The following GYPC variants were observed in gnomAD, a reference collection of about 807,000 sequenced individuals.
GYPC encodes glycophorin C (Gerbich blood group), also known as glycophorin-C.
GYPC carries 14 observed loss-of-function variants against 12.6 expected under a neutral mutation model. The ratio of observed to expected loss-of-function variants is 1.11; its 90% CI spans 0.74 to 1.74. GYPC has a LOEUF of 1.74. Ranked by LOEUF, GYPC falls within the 40% of genes most tolerant of loss-of-function variation. The probability of loss-of-function intolerance (pLI) is 0.00; values close to 1 mark genes in which losing one functional copy is unlikely to be tolerated. For synonymous variants in GYPC, 78 were observed against 62.1 expected (o/e 1.26, Z -1.20); for missense variants, 225 against 172.1 (o/e 1.31, Z -1.72).
At chr2:126,695,826 G>A in intron 3 of GYPC, 120 bp from the exon 4 acceptor site, 1 of 785,482 alleles carries the variant, frequency 1.3e-6, no homozygotes. Context: ...AAATCAAGGA[G>A]CATCTCTTTT....
chr2:126,694,643 A>G (rs574717475), intron 3 of GYPC, among the ~76,000 whole-genome samples: 37 of 152,312 alleles, frequency 2.4e-4, no homozygotes, highest in South Asian at 1.7e-3. Flanking sequence ...TTCTTCCTAG[A>G]TGATATTATT....
intron 1 of GYPC, among the ~76,000 whole-genome samples, chr2:126,669,364 T>G (rs1306133006): frequency 6.6e-6 from 1 of 152,162 alleles, no homozygotes; most frequent in African/African-American, 2.4e-5. Context: ...TCTGTGAGTG[T>G]CAGGGCTGTG....
chr2:126,677,604 A>T (rs1260366896), intron 1 of GYPC, among the ~76,000 whole-genome samples: 1 of 151,710 alleles, frequency 6.6e-6, no homozygotes, highest in Admixed American at 6.6e-5. Context: ...TTCATCCTTA[A>T]ATATATGAGG....
At chr2:126,668,017 C>G (rs896310170) in intron 1 of GYPC, among the ~76,000 whole-genome samples, 1 of 152,170 alleles carries the variant, frequency 6.6e-6, no homozygotes, top group Non-Finnish European at 1.5e-5. Flanking sequence ...CGTGGCCCAG[C>G]AGACTGCTTG....
At chr2:126,694,979 C>T (rs976140990) in intron 3 of GYPC, among the ~76,000 whole-genome samples, 2 of 152,168 alleles carry the variant, frequency 1.3e-5, no homozygotes, top group African/African-American at 4.8e-5. Flanking sequence ...GTGACCGCCC[C>T]TCGCACAGCC....
intron 1 of GYPC, chr2:126,686,786 G>C: frequency 1.3e-6 from 1 of 798,654 alleles, no homozygotes; most frequent in Non-Finnish European, 1.5e-6. Context: ...GTCTATTTCT[G>C]ATACCAGACC....
rs116757594 is a variant in GYPC, at chr2:126,685,865, C to T, written c.50-4390C>T. 1,145 of 985,364 alleles carry T rather than the reference C, an allele frequency of 1.2e-3. 8 individuals carry two copies. In the African/African-American group the frequency reaches 0.019, roughly 16 times the overall value. 61.0% of individuals were successfully genotyped at this position (985,364 alleles called of 1,614,324 possible). Reference sequence around the variant, plus strand: ...GACCCCCATGAAACACCTGCATTTCCTGTCATGATTTTGAGGCTGAAATCA... The same window carrying T: ...GACCCCCATGAAACACCTGCATTTCTTGTCATGATTTTGAGGCTGAAATCA... On this transcript the variant is annotated intron_variant, in intron 1 of 3. Transcript: ENST00000259254.
intron 1 of GYPC, 60 bp from the exon 2 acceptor site, chr2:126,690,195 G>T: frequency 1.6e-6 from 2 of 1,250,766 alleles, no homozygotes; most frequent in East Asian, 4.6e-5. Context: ...TTGGGCCAAG[G>T]TGCTGCTAGG....
Position 126,656,372 on chromosome 2 carries a change from G to C in GYPC, c.49+60G>C, listed in dbSNP as rs1407445420. The C allele has an allele frequency of 3.5e-6, 5 of 1,445,962 alleles. No homozygotes were observed. In the East Asian group the frequency reaches 1.0e-4, roughly 29 times the overall value. 89.6% of individuals were successfully genotyped at this position (1,445,962 alleles called of 1,614,324 possible). On this transcript the variant is annotated intron_variant, in intron 1 of 3. Transcript: ENST00000259254. ...CCACTGGAGGCCGCGGCCCGCAGCA[G>C]CCAGGGGCCGAGCCACGGCCACGGA...
chr2:126,675,914 C>T (rs1473687998), intron 1 of GYPC, among the ~76,000 whole-genome samples: 1 of 152,104 alleles, frequency 6.6e-6, no homozygotes, highest in African/African-American at 2.4e-5. Context: ...TTTATACTTC[C>T]CAAAACAACT....
intron 1 of GYPC, among the ~76,000 whole-genome samples, chr2:126,682,033 G>T (rs1683163264): frequency 6.6e-6 from 1 of 151,978 alleles, no homozygotes; most frequent in Admixed American, 6.5e-5. Context: ...TGTCTGGGTG[G>T]AGCTGGGACT....
chr2:126,658,887 T>G (rs755074692), intron 1 of GYPC: 1 of 152,264 alleles, frequency 6.6e-6, no homozygotes, highest in Non-Finnish European at 1.5e-5. Flanking sequence ...TCATTTAATT[T>G]TTTTAAACCA....
At chr2:126,691,788 G>A (rs992865490) in intron 2 of GYPC, among the ~76,000 whole-genome samples, 60 of 152,292 alleles carry the variant, frequency 3.9e-4, no homozygotes, top group African/African-American at 1.3e-3. Context: ...AAAGGAAGAG[G>A]AAATAACAGT....
At position 126,693,907 on chromosome 2, in the gene GYPC, G is replaced by C. The variant is rs375846126; in HGVS notation, c.150G>C (p.Glu50Asp). ...GMSGWPDGRMETSTPTIMDIV... is the reference protein window; with the variant it reads ...GMSGWPDGRMDTSTPTIMDIV... ...CTGGATGGCCGGATGGCAGAATGGA[G>C]ACCTCCACCCCCACCATAATGGACA... is the stretch of plus-strand genomic sequence containing the variant. Residue 50 changes from glutamate to aspartate, a missense_variant, in exon 3 of 4, where the codon GAG (glutamate) becomes GAC (aspartate). Coordinates refer to ENST00000259254, the MANE Select transcript of GYPC (RefSeq NM_002101.5). 43 of 1,612,592 alleles carry C rather than the reference G, an allele frequency of 2.7e-5. No homozygotes were observed. Among genetic ancestry groups the C allele is most frequent in the Middle Eastern group, 1.6e-4 (1 of 6,078 alleles).
At chr2:126,672,899 A>T (rs896132548) in intron 1 of GYPC, among the ~76,000 whole-genome samples, 1 of 152,124 alleles carries the variant, frequency 6.6e-6, no homozygotes, top group East Asian at 1.9e-4. Flanking sequence ...CTGAAATCAG[A>T]GAGGCAGAGA....
intron 1 of GYPC, among the ~76,000 whole-genome samples, chr2:126,689,462 C>T (rs1178876534): frequency 6.6e-6 from 1 of 151,876 alleles, no homozygotes; most frequent in Non-Finnish European, 1.5e-5. Flanking sequence ...TGCAAAAGCT[C>T]ATGTTGAAAT....
intron 1 of GYPC, among the ~76,000 whole-genome samples, chr2:126,681,001 G>A (rs1380662972): frequency 1.3e-5 from 2 of 152,128 alleles, no homozygotes; most frequent in African/African-American, 4.8e-5. Flanking sequence ...TCTAGTCGGC[G>A]ACTTTGAAGA....
intron 1 of GYPC, among the ~76,000 whole-genome samples, chr2:126,665,490 G>A (rs4663038): frequency 3.3e-5 from 5 of 152,060 alleles, no homozygotes; most frequent in African/African-American, 7.3e-5. Context: ...GGGAACCACC[G>A]ATTCATGGGA....
intron 1 of GYPC, among the ~76,000 whole-genome samples, chr2:126,661,693 C>T (rs1018845719): frequency 2.0e-5 from 3 of 152,142 alleles, no homozygotes; most frequent in African/African-American, 7.2e-5. Flanking sequence ...CTCAGGTGAT[C>T]CACCCTCCTT....
Sources: allele counts gnomAD v4.1 joint callset (sites outside exome capture counted in the v4.1 genomes callset), GRCh38; gene constraint gnomAD v4.1.1; transcripts MANE v1.5; gene names NCBI Gene and HGNC (gene_info 2026-07-23, HGNC 2026-07-21).